Variants in CDH8 observed in about 807,000 individuals in gnomAD.
CDH8 encodes cadherin 8.
In CDH8, 17 loss-of-function variants were observed where a neutral mutation model predicts 68.1. The observed-to-expected ratio is 0.25, with a 90% CI of 0.17 to 0.37. CDH8 has a LOEUF of 0.37. Among genes scored for constraint, CDH8 ranks in the 10% least tolerant of loss-of-function variants. The pLI is 1.00. For missense variants in CDH8, 763 were observed against 999.3 expected (o/e 0.76, Z 3.19); for synonymous variants, 372 against 365.1 (o/e 1.02, Z -0.21).
In CDH8 at chr16:61,825,759, T is replaced by G. The variant is rs13336563; in HGVS notation, c.668-580A>C. Among the ~76,000 whole-genome samples, 673 of 152,048 alleles carry G rather than the reference T, an allele frequency of 4.4e-3. 9 individuals carry two copies. Among genetic ancestry groups the G allele is most frequent in the African/African-American group, 0.016 (645 of 41,534 alleles). On this transcript the variant is annotated intron_variant, in intron 4 of 11. Coordinates refer to ENST00000577390, the MANE Select transcript of CDH8 (RefSeq NM_001796.5). ...TGTTCAGCTATATTTATATTTTAAT[T>G]CTTTAGATACATCTTCTCTTTGTAA...
intron 10 of CDH8, among the ~76,000 whole-genome samples, chr16:61,710,517 G>A (rs922475357): frequency 6.6e-6 from 1 of 151,998 alleles, no homozygotes; most frequent in African/African-American, 2.4e-5. Flanking sequence ...CATTAAGAAG[G>A]AAAAACAAAT....
At chr16:61,810,223 T>C (rs1430094136) in intron 7 of CDH8, among the ~76,000 whole-genome samples, 1 of 152,226 alleles carries the variant, frequency 6.6e-6, no homozygotes, top group East Asian at 1.9e-4. Context: ...CTCTAGCTTT[T>C]GTTATTATGC....
intron 4 of CDH8, among the ~76,000 whole-genome samples, chr16:61,851,310 G>A (rs988501213): frequency 4.0e-5 from 6 of 151,774 alleles, no homozygotes; most frequent in African/African-American, 1.5e-4. Context: ...AGAGACAAAT[G>A]TTGTTTGTAC....
chr16:61,751,028 T>C (rs1008469342), intron 8 of CDH8, among the ~76,000 whole-genome samples: 1 of 151,914 alleles, frequency 6.6e-6, no homozygotes, highest in East Asian at 1.9e-4. Flanking sequence ...CTGGTTAACA[T>C]AGAAAATAAA....
intron 2 of CDH8, among the ~76,000 whole-genome samples, chr16:61,983,242 T>A (rs1965569041): frequency 6.6e-6 from 1 of 152,200 alleles, no homozygotes; most frequent in Non-Finnish European, 1.5e-5. Flanking sequence ...TTGGCTCAAC[T>A]CTCTTTTTGA....
At chr16:61,945,685 C>G (rs1365367549) in intron 2 of CDH8, among the ~76,000 whole-genome samples, 3 of 151,928 alleles carry the variant, frequency 2.0e-5, no homozygotes, top group Non-Finnish European at 2.9e-5. Context: ...TCAGCAAAGG[C>G]TGAGGGATTA....
chr16:61,835,356 G>A (rs1203784990), intron 4 of CDH8, among the ~76,000 whole-genome samples: 3 of 149,650 alleles, frequency 2.0e-5, no homozygotes, highest in African/African-American at 7.4e-5. Context: ...GTAGATCACA[G>A]CCATCTCTAT....
At chr16:62,024,872 G>A (rs954167505) in intron 1 of CDH8, among the ~76,000 whole-genome samples, 8 of 152,158 alleles carry the variant, frequency 5.3e-5, no homozygotes, top group South Asian at 2.1e-4. Flanking sequence ...GAACAAGACC[G>A]TTCCTCTCAC....
At chr16:61,991,707 C>T (rs1965724561) in intron 2 of CDH8, among the ~76,000 whole-genome samples, 1 of 152,188 alleles carries the variant, frequency 6.6e-6, no homozygotes, top group East Asian at 1.9e-4. Flanking sequence ...TCCAAGATCT[C>T]ACTCTCTCTG....
chr16:61,648,139 C>T lies in CDH8; in HGVS notation c.*5469G>A. Reference sequence around the variant, plus strand: ...ACAACTCAGGAGATGACCCCAAATACCAGCATGTAATTTCTGTTTCTCTCA... The same window carrying T: ...ACAACTCAGGAGATGACCCCAAATATCAGCATGTAATTTCTGTTTCTCTCA... On this transcript the variant is annotated 3_prime_UTR_variant, in exon 12 of 12. Coordinates refer to ENST00000577390, the MANE Select transcript of CDH8 (RefSeq NM_001796.5). 3.5e-6 allele frequency: 1 copy of T among 289,392 alleles called. No homozygotes were observed. The highest frequency in any genetic ancestry group is 7.3e-5 in the South Asian group (1 of 13,608). 17.9% of individuals were successfully genotyped at this position (289,392 alleles called of 1,614,324 possible). A position where few individuals can be genotyped will look rare whatever the true frequency, so the allele number is the denominator to read the frequency against.
chr16:61,833,660 A>G (rs1170923952), intron 4 of CDH8, among the ~76,000 whole-genome samples: 1 of 151,862 alleles, frequency 6.6e-6, no homozygotes, highest in Non-Finnish European at 1.5e-5. Flanking sequence ...TCTACACAGC[A>G]TATGCCTTTG....
chr16:61,733,793 A>G (rs1210642980), intron 8 of CDH8, among the ~76,000 whole-genome samples: 2 of 151,978 alleles, frequency 1.3e-5, no homozygotes, highest in Non-Finnish European at 2.9e-5. Context: ...TCTTTTCAAA[A>G]TTATGTGGTT....
intron 2 of CDH8, among the ~76,000 whole-genome samples, chr16:62,007,605 A>AC: frequency 6.6e-6 from 1 of 151,984 alleles, no homozygotes; most frequent in East Asian, 1.9e-4. Flanking sequence ...CAAAAACAAA[A>AC]AAAATCAGAA....
At chr16:61,774,205 T>A (rs534467850) in intron 8 of CDH8, among the ~76,000 whole-genome samples, 1 of 152,104 alleles carries the variant, frequency 6.6e-6, no homozygotes, top group African/African-American at 2.4e-5. Flanking sequence ...CTGGCATTAT[T>A]CAAGGCTTAC....
intron 2 of CDH8, among the ~76,000 whole-genome samples, chr16:61,903,422 G>T (rs8053210): frequency 2.0e-5 from 3 of 152,066 alleles, no homozygotes; most frequent in Non-Finnish European, 4.4e-5. Context: ...CTGCCGGGTT[G>T]ACGCCATTCT....
intron 2 of CDH8, among the ~76,000 whole-genome samples, chr16:61,963,760 AATTG>A (rs754786778): frequency 8.5e-5 from 13 of 152,288 alleles, no homozygotes; most frequent in Non-Finnish European, 1.5e-4. Context: ...CCTCAATGTT[AATTG>A]ATTGATGGTA....
chr16:61,973,163 C>T lies in CDH8; in HGVS notation c.252+47989G>A, dbSNP rs148965370. Among the ~76,000 whole-genome samples the T allele has an allele frequency of 6.6e-3, 1,006 of 152,242 alleles. 5 individuals are homozygous for T. Among genetic ancestry groups the T allele is most frequent in the South Asian group, 0.011 (55 of 4,812 alleles). On this transcript the variant is annotated intron_variant, in intron 2 of 11. Coordinates refer to ENST00000577390, the MANE Select transcript of CDH8 (RefSeq NM_001796.5). Reference sequence around the variant, plus strand: ...TCCCCTTCTACCTCTTCTGACTCTGCCACCCACAAGACAGCAAGAATAACT... The same window carrying T: ...TCCCCTTCTACCTCTTCTGACTCTGTCACCCACAAGACAGCAAGAATAACT...
intron 8 of CDH8, among the ~76,000 whole-genome samples, chr16:61,758,203 G>A (rs1339879240): frequency 1.3e-5 from 2 of 152,064 alleles, no homozygotes; most frequent in African/African-American, 2.4e-5. Flanking sequence ...TGTATATACT[G>A]GTGAGAATTT....
intron 10 of CDH8, among the ~76,000 whole-genome samples, chr16:61,707,221 T>C (rs1048803239): frequency 1.3e-5 from 2 of 152,178 alleles, no homozygotes; most frequent in Non-Finnish European, 2.9e-5. Flanking sequence ...TCATTAAATT[T>C]TAATAGAGAG....
Sources: gnomAD v4.1 joint callset for allele counts (sites outside exome capture counted in the v4.1 genomes callset) on GRCh38, gnomAD v4.1.1 for gene constraint, MANE v1.5 for transcripts, NCBI Gene and HGNC (gene_info 2026-07-23, HGNC 2026-07-21) for gene names.